Variants in TMPRSS2 observed in about 807,000 individuals in gnomAD.
The protein encoded by TMPRSS2 is transmembrane protease serine 2.
TMPRSS2 carries 59 observed loss-of-function variants against 67.4 expected under a neutral mutation model. That is an observed-to-expected ratio of 0.88 (90% CI 0.71 to 1.09). The LOEUF is 1.09. Among genes scored for constraint, TMPRSS2 ranks in the 50% least tolerant of loss-of-function variants. The pLI, the probability that TMPRSS2 is intolerant of heterozygous loss-of-function variation, is 0.00. For missense variants in TMPRSS2, 668 were observed against 642.7 expected (o/e 1.04, Z -0.43); for synonymous variants, 257 against 257.0 (o/e 1.00, Z 0.00).
chr21:41,495,635 A>G (rs548402221), intron 2 of TMPRSS2, among the ~76,000 whole-genome samples: 1,698 of 152,056 alleles, frequency 0.011, 15 homozygotes, highest in Middle Eastern at 0.034. Context: ...TCAAAAAAAA[A>G]AAAAAAACCA....
chr21:41,469,143 A>G (rs923689637), intron 11 of TMPRSS2, among the ~76,000 whole-genome samples: 7 of 151,698 alleles, frequency 4.6e-5, no homozygotes, highest in Non-Finnish European at 7.4e-5. Flanking sequence ...TCACCAACCA[A>G]TATTTCCTGG....
At chr21:41,476,790 G>A (rs1441598323) in intron 7 of TMPRSS2, among the ~76,000 whole-genome samples, 170 bp from the exon 8 acceptor site, 1 of 152,168 alleles carries the variant, frequency 6.6e-6, no homozygotes, top group African/African-American at 2.4e-5. Flanking sequence ...TAGGGACAGT[G>A]GCAAAGACCA....
At chr21:41,487,191 G>A (rs1163587905) in intron 5 of TMPRSS2, 2 of 152,202 alleles carry the variant, frequency 1.3e-5, no homozygotes, top group Non-Finnish European at 2.9e-5. Flanking sequence ...TATGCACAAG[G>A]CAATACTATT....
Position 41,473,351 on chromosome 21 carries a change from G to T in TMPRSS2, c.873C>A (p.Ile291=). The change falls in exon 9 of 14, where the codon ATC becomes ATA. Residue 291 remains isoleucine, a synonymous_variant. Coordinates refer to ENST00000332149, the MANE Select transcript of TMPRSS2 (RefSeq NM_005656.4). ...CGGSIITPEW[I]VTAAHCVEKP... ...TTTCCACGCAGTGGGCGGCTGTCAC[G>T]ATCCACTCGGGGGTGATGATGGAGC... The T allele has an allele frequency of 6.2e-7, 1 of 1,606,416 alleles. No homozygotes were observed. Among genetic ancestry groups the T allele is most frequent in the African/African-American group, 1.3e-5 (1 of 74,918 alleles).
chr21:41,488,398 C>T lies in TMPRSS2; in HGVS notation c.441G>A (p.Arg147=), dbSNP rs1165582578. Residue 147 remains arginine, a synonymous_variant, in exon 5 of 14, where the codon CGG becomes CGA. Transcript: ENST00000332149. The part of the protein sequence containing the change: ...SHCPGGEDEN[R]CVRLYGPNFI... ...CCAAGGTCAAGGCTGACTCACCACA[C>T]CGATTCTCGTCCTCCCCGCCGGGGC... 1.2e-6 allele frequency: 2 copies of T among 1,612,302 alleles called. No individual in the cohort carries two copies. Among genetic ancestry groups the T allele is most frequent in the East Asian group, 4.5e-5 (2 of 44,852 alleles).
At position 41,473,138 on chromosome 21, in the gene TMPRSS2, G is replaced by A. The variant is rs117827300; in HGVS notation, c.899+187C>T. On this transcript the variant is annotated intron_variant, in intron 9 of 13. Transcript: ENST00000332149. ...GCCCTGCGTGCAGGGGACACTCAGTGCATACAGCCATGCACTGCCTGGCAT... is the reference window on the plus strand; with the variant it reads ...GCCCTGCGTGCAGGGGACACTCAGTACATACAGCCATGCACTGCCTGGCAT... Among the ~76,000 whole-genome samples, 196 of 152,296 alleles carry A rather than the reference G, an allele frequency of 1.3e-3. 4 individuals carry two copies. The highest frequency in any genetic ancestry group is 5.6e-3 in the East Asian group (29 of 5,176).
intron 6 of TMPRSS2, among the ~76,000 whole-genome samples, 161 bp from the exon 7 acceptor site, chr21:41,479,443 T>C (rs538022064): frequency 6.8e-4 from 103 of 152,360 alleles, no homozygotes; most frequent in Admixed American, 2.4e-3. Flanking sequence ...TAGAATATTG[T>C]AACGATTTTT....
intron 2 of TMPRSS2, among the ~76,000 whole-genome samples, chr21:41,496,924 T>C (rs2091387621): frequency 7.3e-6 from 1 of 137,090 alleles, no homozygotes; most frequent in Admixed American, 8.3e-5. Context: ...CACCGCAACC[T>C]CTGCCTCCCA....
At chr21:41,502,664 T>C in intron 1 of TMPRSS2, 3 of 844,376 alleles carry the variant, frequency 3.6e-6, no homozygotes, top group Non-Finnish European at 4.3e-6. Flanking sequence ...TAGCCAACAG[T>C]GGATTTCAGT....
intron 7 of TMPRSS2, 99 bp downstream of exon 7, chr21:41,479,073 T>G: frequency 3.3e-6 from 3 of 915,582 alleles, no homozygotes; most frequent in Non-Finnish European, 5.2e-6. Flanking sequence ...CCAGACCGAG[T>G]ATTGCAGCTC....
rs1317206050 is a variant in TMPRSS2, at chr21:41,502,573, T to A, written c.-56-4384A>T. On this transcript the variant is annotated intron_variant, in intron 1 of 13. Coordinates refer to ENST00000332149, the MANE Select transcript of TMPRSS2 (RefSeq NM_005656.4). Reference sequence around the variant, plus strand: ...CCAAATCATCAAAAAGAGCCCTTTATGCCAAAATAACCGCACTAATATCAC... The same window carrying A: ...CCAAATCATCAAAAAGAGCCCTTTAAGCCAAAATAACCGCACTAATATCAC... 3 of 985,302 alleles carry A rather than the reference T, an allele frequency of 3.0e-6. No homozygotes were observed. The African/African-American group carries it at 5.2e-5, about 17-fold the overall frequency. The allele number at this position is 985,302 out of a possible 1,614,324, so 61.0% of individuals were successfully genotyped here.
At chr21:41,494,141 C>G (rs1000568527) in intron 3 of TMPRSS2, among the ~76,000 whole-genome samples, 22 of 152,322 alleles carry the variant, frequency 1.4e-4, no homozygotes, top group African/African-American at 5.3e-4. Context: ...GAGGTATCTG[C>G]AGGCCCTGGG....
intron 3 of TMPRSS2, among the ~76,000 whole-genome samples, chr21:41,492,275 T>A (rs1205964102): frequency 6.6e-6 from 1 of 152,190 alleles, no homozygotes; most frequent in Non-Finnish European, 1.5e-5. Flanking sequence ...ATGACCAACT[T>A]AAGGTTGTCA....
chr21:41,470,669 A>T lies in TMPRSS2; in HGVS notation c.1150T>A (p.Trp384Arg). The change falls in exon 11 of 14, where the codon TGG becomes AGG. Residue 384 changes from tryptophan to arginine, a missense_variant. Physicochemically the swap from Trp to Arg is moderately radical, Grantham distance 101. Coordinates refer to ENST00000332149, the MANE Select transcript of TMPRSS2 (RefSeq NM_005656.4). ...QPEQLCWISG[W>R]GATEEKGKTS... Reference sequence around the variant, plus strand: ...TCACCTTTCTCCTCGGTGGCCCCCCACCCGGAAATCCAGCAGAGCTGTTCT... The same window carrying T: ...TCACCTTTCTCCTCGGTGGCCCCCCTCCCGGAAATCCAGCAGAGCTGTTCT... 1 of 1,613,380 alleles carries T rather than the reference A, an allele frequency of 6.2e-7. No individual in the cohort carries two copies. Among genetic ancestry groups the T allele is most frequent in the Non-Finnish European group, 8.5e-7 (1 of 1,179,928 alleles).
In TMPRSS2 at chr21:41,464,379, GAGGGAC is replaced by G. The variant is rs1228836584; in HGVS notation, c.*1757_*1762del. ...ATAGAATAATAAGAAGGAGTCATTT[GAGGGAC>G]CTCTCCAACAGGACAGGCTGCAGGA... On this transcript the variant is annotated 3_prime_UTR_variant, in exon 14 of 14. Coordinates refer to ENST00000332149, the MANE Select transcript of TMPRSS2 (RefSeq NM_005656.4). 1.3e-5 allele frequency among the ~76,000 whole-genome samples: 2 copies of G among 152,156 alleles called. No homozygotes were observed. The highest frequency in any genetic ancestry group is 2.9e-5 in the Non-Finnish European group (2 of 68,028).
At chr21:41,482,118 AG>A (rs2091261907) in intron 5 of TMPRSS2, among the ~76,000 whole-genome samples, 1 of 152,190 alleles carries the variant, frequency 6.6e-6, no homozygotes, top group South Asian at 2.1e-4. Flanking sequence ...GTGCTCTTTA[AG>A]AGAGCACTTT....
chr21:41,486,054 G>A (rs2298857), intron 5 of TMPRSS2, among the ~76,000 whole-genome samples: 41,431 of 152,124 alleles, frequency 0.27, 6,039 homozygotes, highest in Middle Eastern at 0.37. Flanking sequence ...CCAGCTCTGA[G>A]GCTTGTGGTT....
At chr21:41,491,199 C>A (rs929965338) in intron 3 of TMPRSS2, among the ~76,000 whole-genome samples, 1 of 145,382 alleles carries the variant, frequency 6.9e-6, no homozygotes, top group Non-Finnish European at 1.5e-5. Flanking sequence ...GCTTGTTGCC[C>A]GGGCTGGAAT....
In TMPRSS2 at chr21:41,506,265, A is replaced by T. The variant is rs571750399; in HGVS notation, c.-57+1816T>A. Among the ~76,000 whole-genome samples, 7 of 152,280 alleles carry T rather than the reference A, an allele frequency of 4.6e-5. No homozygotes were observed. In the South Asian group the frequency reaches 1.5e-3, roughly 32 times the overall value. ...AAGGGAAGCTGCTGGGGACCAAACA[A>T]ATGTCCAAGCAGAGAACAAAAGCCC... On this transcript the variant is annotated intron_variant, in intron 1 of 13. Coordinates refer to ENST00000332149, the MANE Select transcript of TMPRSS2 (RefSeq NM_005656.4).
Sources: gnomAD v4.1 joint callset for allele counts (sites outside exome capture counted in the v4.1 genomes callset) on GRCh38, gnomAD v4.1.1 for gene constraint, MANE v1.5 for transcripts, NCBI Gene and HGNC (gene_info 2026-07-23, HGNC 2026-07-21) for gene names.